The following TJP1 variants were observed in gnomAD, a reference collection of about 807,000 sequenced individuals.
The protein encoded by TJP1 is tight junction protein ZO-1.
In TJP1, 43 loss-of-function variants were observed where a neutral mutation model predicts 194.2. The ratio of observed to expected loss-of-function variants is 0.22; its 90% CI spans 0.17 to 0.29. TJP1 has a LOEUF of 0.29. Ranked by LOEUF, TJP1 falls within the 10% of genes least tolerant of loss-of-function variation. The pLI, the probability that TJP1 is intolerant of heterozygous loss-of-function variation, is 1.00. For missense variants in TJP1, 1,971 were observed against 2,185.7 expected (o/e 0.90, Z 1.96); for synonymous variants, 801 against 779.0 (o/e 1.03, Z -0.47).
chr15:29,702,886 C>T (rs2041640498), intron 27 of TJP1, among the ~76,000 whole-genome samples: 2 of 152,156 alleles, frequency 1.3e-5, no homozygotes, highest in Admixed American at 1.3e-4. Context: ...TCTGATTTAT[C>T]AAAGATTTGG....
rs76250552 is a variant in TJP1 at position 29,932,559 on chromosome 15, A to G, written c.306+23673T>C. On this transcript the variant is annotated intron_variant, in intron 2 of 28. Transcript: ENST00000356107. The stretch of plus-strand genomic sequence containing the variant: ...ATGGGAGAACATCTTTATGACCTGG[A>G]AAAAAAAGGGTTTTTTAAAACAAGA... Among the ~76,000 whole-genome samples the G allele has an allele frequency of 4.0e-5, 6 of 151,040 alleles. No homozygotes were observed. The East Asian group carries it at 7.7e-4, about 19-fold the overall frequency.
chr15:29,714,373 G>C (rs2052312671), intron 23 of TJP1, among the ~76,000 whole-genome samples: 1 of 151,200 alleles, frequency 6.6e-6, no homozygotes, highest in African/African-American at 2.4e-5. Flanking sequence ...AGAGTAGCTG[G>C]GACTACAGGC....
At chr15:29,707,211 A>G (rs567983521) in intron 25 of TJP1, among the ~76,000 whole-genome samples, 1 of 152,312 alleles carries the variant, frequency 6.6e-6, no homozygotes, top group East Asian at 1.9e-4. Flanking sequence ...CAGAACGCCA[A>G]AGGCAAAGGG....
intron 2 of TJP1, among the ~76,000 whole-genome samples, chr15:29,933,189 G>T (rs2054776616): frequency 6.6e-6 from 1 of 152,110 alleles, no homozygotes; most frequent in African/African-American, 2.4e-5. Flanking sequence ...AAGTGAGGGT[G>T]GCTTATTCAA....
intron 2 of TJP1, among the ~76,000 whole-genome samples, chr15:29,943,376 T>C (rs2055152179): frequency 6.6e-6 from 1 of 152,202 alleles, no homozygotes; most frequent in African/African-American, 2.4e-5. Flanking sequence ...ACGCCTGTAA[T>C]CCCAGCACTT....
chr15:29,809,373 A>G (rs2049329401), intron 1 of TJP1, among the ~76,000 whole-genome samples: 1 of 152,214 alleles, frequency 6.6e-6, no homozygotes, highest in African/African-American at 2.4e-5. Context: ...GGAAGCAAAT[A>G]CCAAAATTCA....
intron 2 of TJP1, among the ~76,000 whole-genome samples, chr15:29,886,862 T>G (rs557002966): frequency 6.6e-6 from 1 of 151,646 alleles, no homozygotes; most frequent in South Asian, 2.1e-4. Flanking sequence ...AGATAAACAG[T>G]TTTTCCCCAA....
At chr15:29,809,491 T>C (rs190983603) in intron 1 of TJP1, among the ~76,000 whole-genome samples, 80 of 152,270 alleles carry the variant, frequency 5.3e-4, no homozygotes, top group East Asian at 4.4e-3. Context: ...CTAAGAGAAA[T>C]GTTAAACAAT....
chr15:29,920,026 CACTT>C (rs1164297245), intron 2 of TJP1, among the ~76,000 whole-genome samples: 1 of 152,184 alleles, frequency 6.6e-6, no homozygotes, highest in Non-Finnish European at 1.5e-5. Flanking sequence ...CAACATCTGA[CACTT>C]ACACTGCTCT....
rs569839164 is a variant in TJP1 at position 29,838,687 on chromosome 15, C to G, written c.307-37985G>C. 3.0e-4 allele frequency among the ~76,000 whole-genome samples: 46 copies of G among 151,938 alleles called. 1 individual carries two copies. The East Asian group carries it at 7.0e-3, about 23-fold the overall frequency. ...TCACAATGTAGTCTTTCTTGTATAA[C>G]CATAACCACCACCACCACTGAGGGA... On this transcript the variant is annotated intron_variant, in intron 2 of 28. Transcript: ENST00000356107.
In TJP1 at chr15:29,847,169, C is replaced by T. The variant is rs148100067; in HGVS notation, c.307-46467G>A. On this transcript the variant is annotated intron_variant, in intron 2 of 28. Coordinates refer to the TJP1 transcript ENST00000356107. Reference sequence around the variant, plus strand: ...CCAGGCTGGAGTACAGTGGCATGATCACGGCTCACTGCAGCCTCAAACTCC... The same window carrying T: ...CCAGGCTGGAGTACAGTGGCATGATTACGGCTCACTGCAGCCTCAAACTCC... Among the ~76,000 whole-genome samples, 1,409 of 152,020 alleles carry T rather than the reference C, an allele frequency of 9.3e-3. 14 individuals are homozygous for T. Among genetic ancestry groups the T allele is most frequent in the African/African-American group, 0.032 (1,348 of 41,494 alleles).
rs375025994 is a variant in TJP1 at position 29,718,410 on chromosome 15, C to T, written c.3732G>A (p.Leu1244=). 70 of 1,613,890 alleles carry T rather than the reference C, an allele frequency of 4.3e-5. No homozygotes were observed. The Middle Eastern group carries it at 4.9e-4, about 11-fold the overall frequency. The change falls in exon 21 of 28, where the codon CTG becomes CTA. Residue 1244 remains leucine, a synonymous_variant. Coordinates refer to ENST00000614355, the MANE Select transcript of TJP1 (RefSeq NM_001330239.4). Reference sequence around the variant, plus strand: ...CTTCGGTTTGAGTTGGGGGTGGAGGCAGTGGTTTGGTGTTTGAAGGCAGAG... The same window carrying T: ...CTTCGGTTTGAGTTGGGGGTGGAGGTAGTGGTTTGGTGTTTGAAGGCAGAG... ...PEALPSNTKP[L]PPPPTQTEEE...
At chr15:29,875,529 C>G (rs953804683) in intron 2 of TJP1, among the ~76,000 whole-genome samples, 1 of 152,062 alleles carries the variant, frequency 6.6e-6, no homozygotes, top group Non-Finnish European at 1.5e-5. Flanking sequence ...AAATTCTCCC[C>G]CAAATACATG....
At chr15:29,929,738 C>G (rs1220798562) in intron 2 of TJP1, among the ~76,000 whole-genome samples, 1 of 151,484 alleles carries the variant, frequency 6.6e-6, no homozygotes, top group Non-Finnish European at 1.5e-5. Context: ...ATGTATGACT[C>G]AAGAAGTCAG....
chr15:29,899,812 T>C (rs932157542), intron 2 of TJP1, among the ~76,000 whole-genome samples: 3 of 152,140 alleles, frequency 2.0e-5, no homozygotes, highest in South Asian at 4.1e-4. Flanking sequence ...TAACACAAAA[T>C]AGTTGTCCAA....
intron 5 of TJP1, 125 bp downstream of exon 5, chr15:29,766,141 A>G (rs2151575683): frequency 7.8e-7 from 1 of 1,287,152 alleles, no homozygotes; most frequent in Middle Eastern, 2.1e-4. Context: ...GATTTGACTT[A>G]CAGTGATAGA....
chr15:29,929,400 T>A (rs1465822872), intron 2 of TJP1, among the ~76,000 whole-genome samples: 2 of 152,112 alleles, frequency 1.3e-5, no homozygotes, highest in Non-Finnish European at 2.9e-5. Context: ...ACCAATAATT[T>A]AAATGTATGA....
chr15:29,804,233 T>C (rs2048974546), intron 1 of TJP1, among the ~76,000 whole-genome samples: 1 of 152,096 alleles, frequency 6.6e-6, no homozygotes, highest in Non-Finnish European at 1.5e-5. Context: ...TATGTAATAA[T>C]GCAAATACAG....
intron 1 of TJP1, among the ~76,000 whole-genome samples, chr15:29,807,563 C>T (rs1324745063): frequency 6.6e-6 from 1 of 152,044 alleles, no homozygotes; most frequent in Non-Finnish European, 1.5e-5. Flanking sequence ...TATCTTTTTG[C>T]ATAACTCTCT....
Sources: allele counts gnomAD v4.1 joint callset (sites outside exome capture counted in the v4.1 genomes callset), GRCh38; gene constraint gnomAD v4.1.1; transcripts MANE v1.5; gene names NCBI Gene and HGNC (gene_info 2026-07-23, HGNC 2026-07-21).